GRAMD4: variants seen among roughly 807,000 people sequenced by gnomAD.
The protein encoded by GRAMD4 is GRAM domain containing 4, also known as GRAM domain-containing protein 4.
GRAMD4 carries 25 observed loss-of-function variants against 83.9 expected under a neutral mutation model. That is an observed-to-expected ratio of 0.30 (90% confidence interval 0.22 to 0.42). The LOEUF (loss-of-function observed/expected upper bound fraction) is 0.42. Among genes scored for constraint, GRAMD4 ranks in the 10% least tolerant of loss-of-function variants. The pLI is 1.00. For synonymous variants in GRAMD4, 336 were observed against 320.9 expected (o/e 1.05, Z -0.50); for missense variants, 593 against 788.7 (o/e 0.75, Z 2.97).
chr22:46,579,940 G>A (rs957184837), intron 1 of GRAMD4, among the ~76,000 whole-genome samples: 5 of 152,152 alleles, frequency 3.3e-5, no homozygotes, highest in Admixed American at 6.5e-5. Flanking sequence ...GTTGGTGTGG[G>A]CGTGTGCTGG....
At position 46,664,016 on chromosome 22, in the gene GRAMD4, C is replaced by A; in HGVS notation, c.626-10C>A. On this transcript the variant is annotated splice_polypyrimidine_tract_variant and intron_variant, in intron 7 of 18. Coordinates refer to ENST00000406902, the MANE Select transcript of GRAMD4 (RefSeq NM_015124.5). ...ACAGTGCTGACCACTGTGGTCTGCT[C>A]TGTCCCCAGAGCGCGGTGCCAAGCC... 1 of 1,610,476 alleles carries A rather than the reference C, an allele frequency of 6.2e-7. No individual in the cohort carries two copies. The highest frequency in any genetic ancestry group is 1.1e-5 in the South Asian group (1 of 91,018).
In GRAMD4 at chr22:46,622,551, A is replaced by G. The variant is rs2081590541; in HGVS notation, c.-50+1986A>G. Among the ~76,000 whole-genome samples the G allele has an allele frequency of 6.6e-6, 1 of 151,482 alleles. No individual in the cohort carries two copies. Among genetic ancestry groups the G allele is most frequent in the Admixed American group, 6.8e-5 (1 of 14,684 alleles). On this transcript the variant is annotated intron_variant, in intron 1 of 18. Transcript: ENST00000406902. The surrounding 1 kb of genome is among the most constrained non-coding windows in gnomAD (Gnocchi z 4.0). The stretch of plus-strand genomic sequence containing the variant: ...TCAGTGAGCAGAGTTTCAGTTAGAC[A>G]AGACGAGTCCGGAGGCAGCCGCTCA...
chr22:46,664,197 A>G (rs879006513), intron 8 of GRAMD4, 80 bp downstream of exon 8: 3 of 993,152 alleles, frequency 3.0e-6, no homozygotes, highest in Non-Finnish European at 4.9e-6. Context: ...GCACCTTCCC[A>G]GGGTGGGAGG....
intron 1 of GRAMD4, among the ~76,000 whole-genome samples, chr22:46,607,858 G>C (rs960906871): frequency 2.6e-5 from 4 of 152,168 alleles, no homozygotes; most frequent in African/African-American, 9.7e-5. Flanking sequence ...CCCTTCCTCT[G>C]CAGCCTGCGA....
chr22:46,637,731 A>AT (rs138469), intron 2 of GRAMD4, 109 bp from the exon 3 acceptor site: 240,074 of 1,153,370 alleles, frequency 0.21, 29,864 homozygotes, highest in East Asian at 0.54. Flanking sequence ...TCCCTTTCAC[A>AT]TGCCACTGCT....
chr22:46,610,504 C>G (rs945261301), intron 1 of GRAMD4, among the ~76,000 whole-genome samples: 2 of 152,240 alleles, frequency 1.3e-5, no homozygotes, highest in African/African-American at 2.4e-5. Context: ...GCCTGCTGGG[C>G]TGAAGGTGTT....
intron 2 of GRAMD4, among the ~76,000 whole-genome samples, chr22:46,632,507 C>T (rs546555467): frequency 6.6e-6 from 1 of 152,348 alleles, no homozygotes; most frequent in Admixed American, 6.5e-5. Context: ...TGGTGTCCTG[C>T]ACCCTTGGAG....
In GRAMD4 at chr22:46,577,627, C is replaced by G. The variant is rs1332433537; in HGVS notation, c.-50+337C>G. 3.9e-5 allele frequency among the ~76,000 whole-genome samples: 6 copies of G among 151,966 alleles called. No individual in the cohort carries two copies. In the East Asian group the frequency reaches 1.2e-3, roughly 29 times the overall value. On this transcript the variant is annotated intron_variant, in intron 1 of 1. Coordinates refer to the GRAMD4 transcript ENST00000431155. ...CGGACCGGGGGTCACCGACGCTGGG[C>G]CACTGGAGGGGGACGGTATCGGCCC...
intron 1 of GRAMD4, among the ~76,000 whole-genome samples, chr22:46,608,959 C>T (rs2081391688): frequency 1.3e-5 from 2 of 151,936 alleles, no homozygotes; most frequent in South Asian, 4.2e-4. Flanking sequence ...GTACCAGCCG[C>T]CCCAGAGGCT....
chr22:46,646,985 C>G (rs1413435645), intron 3 of GRAMD4, among the ~76,000 whole-genome samples: 1 of 152,192 alleles, frequency 6.6e-6, no homozygotes, highest in Non-Finnish European at 1.5e-5. Flanking sequence ...TTCACGATCA[C>G]AACAAGAACA....
chr22:46,635,572 C>T (rs140357586), intron 2 of GRAMD4, among the ~76,000 whole-genome samples: 57 of 18,856 alleles, frequency 3.0e-3, no homozygotes, highest in Admixed American at 4.7e-3. Flanking sequence ...CCCCCGCCCC[C>T]GGCCACTCCT....
At position 46,669,018 on chromosome 22, in the gene GRAMD4, C is replaced by A. The variant is rs1601676298; in HGVS notation, c.1084+110C>A. The A allele has an allele frequency of 1.4e-5, 9 of 657,786 alleles. No individual in the cohort carries two copies. The East Asian group carries it at 1.8e-4, about 13-fold the overall frequency. 40.7% of individuals were successfully genotyped at this position (657,786 alleles called of 1,614,324 possible). A position where few individuals can be genotyped will look rare whatever the true frequency, so the allele number is the denominator to read the frequency against. ...AGAGCTGTTAAACTCACCTGGCGAT[C>A]CTTCCTCTGCTTTTTGTCACAAATG... On this transcript the variant is annotated intron_variant, in intron 13 of 18. Coordinates refer to ENST00000406902, the MANE Select transcript of GRAMD4 (RefSeq NM_015124.5).
chr22:46,615,699 C>T (rs1251273608), upstream of GRAMD4, among the ~76,000 whole-genome samples: 35 of 18,742 alleles, frequency 1.9e-3, no homozygotes, highest in African/African-American at 4.7e-3. Context: ...TTCCCCTGTG[C>T]GTAGGTTCCC....
At chr22:46,636,720 G>A (rs1237259122) in intron 2 of GRAMD4, among the ~76,000 whole-genome samples, 3 of 152,244 alleles carry the variant, frequency 2.0e-5, no homozygotes, top group Non-Finnish European at 2.9e-5. Context: ...AGGATGCAAC[G>A]TGGAGGGCGA....
chr22:46,657,002 A>G (rs781084739), intron 3 of GRAMD4, among the ~76,000 whole-genome samples: 31 of 152,306 alleles, frequency 2.0e-4, no homozygotes, highest in East Asian at 5.8e-4. Context: ...GACAGCACTT[A>G]GGTGACCCTC....
chr22:46,680,175 A>G (rs1050970196), downstream of GRAMD4, among the ~76,000 whole-genome samples: 2 of 152,146 alleles, frequency 1.3e-5, no homozygotes, highest in East Asian at 3.8e-4. Flanking sequence ...GCCCCTCTCC[A>G]CTTTGGTGTC....
chr22:46,587,284 T>C (rs969488613), intron 1 of GRAMD4, among the ~76,000 whole-genome samples: 1 of 152,168 alleles, frequency 6.6e-6, no homozygotes, highest in Non-Finnish European at 1.5e-5. Context: ...CAGCCACTGC[T>C]GGACCCCAGC....
intron 1 of GRAMD4, among the ~76,000 whole-genome samples, chr22:46,578,439 A>T (rs1380995381): frequency 6.6e-6 from 1 of 152,128 alleles, no homozygotes; most frequent in Non-Finnish European, 1.5e-5. Context: ...CAGTTTCCTC[A>T]CTAGCAAGTG....
intron 3 of GRAMD4, among the ~76,000 whole-genome samples, chr22:46,657,479 C>A (rs2082261014): frequency 6.6e-6 from 1 of 152,226 alleles, no homozygotes; most frequent in Non-Finnish European, 1.5e-5. Flanking sequence ...CTGCCAGAGG[C>A]TGCCTGCACT....
Sources: gnomAD v4.1 joint callset for allele counts (sites outside exome capture counted in the v4.1 genomes callset) on GRCh38, gnomAD v4.1.1 for gene constraint, Gnocchi (gnomAD v3.1) non-coding constraint, MANE v1.5 for transcripts, NCBI Gene and HGNC (gene_info 2026-07-23, HGNC 2026-07-21) for gene names.